RGPD3: variants seen among roughly 807,000 people sequenced by gnomAD.
The protein encoded by RGPD3 is ranBP2-like and GRIP domain-containing protein 3.
Under a neutral mutation model 154.5 loss-of-function variants are expected in RGPD3, and 62 were observed. The ratio of observed to expected loss-of-function variants is 0.40; its 90% CI spans 0.33 to 0.50. RGPD3 has a LOEUF of 0.50. Ranked by LOEUF, RGPD3 falls within the 20% of genes least tolerant of loss-of-function variation. The pLI is 0.59. For synonymous variants in RGPD3, 308 were observed against 607.0 expected (o/e 0.51, Z 7.24); for missense variants, 919 against 1,716.8 (o/e 0.54, Z 8.21).
At chr2:106,414,102 T>C (rs1278488371) in intron 21 of RGPD3, among the ~76,000 whole-genome samples, 4 of 151,854 alleles carry the variant, frequency 2.6e-5, no homozygotes, top group African/African-American at 9.7e-5. Flanking sequence ...TATAAGACAA[T>C]GTAAAACACT....
chr2:106,411,047 C>T (rs1676655687), intron 22 of RGPD3, among the ~76,000 whole-genome samples: 1 of 150,142 alleles, frequency 6.7e-6, no homozygotes, highest in South Asian at 2.2e-4. Context: ...GCCTCTAGAC[C>T]AGGGGTTTTC....
At chr2:106,466,530 C>T (rs1267593564) in intron 1 of RGPD3, among the ~76,000 whole-genome samples, 1 of 129,922 alleles carries the variant, frequency 7.7e-6, no homozygotes, top group African/African-American at 2.9e-5. Context: ...GACGCCTGAG[C>T]CATCGAGGCC....
At chr2:106,448,585 C>T (rs1678005477) in intron 6 of RGPD3, among the ~76,000 whole-genome samples, 1 of 150,682 alleles carries the variant, frequency 6.6e-6, no homozygotes, top group African/African-American at 2.4e-5. Flanking sequence ...TCTGAGGGTG[C>T]TCAAAAACCC....
At chr2:106,461,850 G>A (rs574971903) in intron 1 of RGPD3, among the ~76,000 whole-genome samples, 128 of 151,758 alleles carry the variant, frequency 8.4e-4, no homozygotes, top group African/African-American at 2.8e-3. Context: ...AAGAACTATA[G>A]CAATCTTAAC....
intron 1 of RGPD3, 28 bp downstream of exon 1, chr2:106,468,189 G>A (rs1231318130): frequency 2.5e-6 from 4 of 1,587,498 alleles, no homozygotes; most frequent in East Asian, 2.3e-5. Flanking sequence ...CCAGGTCGAG[G>A]CCGTCGGTCT....
At chr2:106,469,991 G>C (rs374604944), upstream of RGPD3, among the ~76,000 whole-genome samples, 1 of 152,130 alleles carries the variant, frequency 6.6e-6, no homozygotes, top group East Asian at 1.9e-4. Context: ...ATTGGTAAGA[G>C]TGTAAATCCC....
At chr2:106,413,713 G>A (rs1311196159) in intron 21 of RGPD3, among the ~76,000 whole-genome samples, 4 of 152,068 alleles carry the variant, frequency 2.6e-5, no homozygotes, top group Non-Finnish European at 5.9e-5. Context: ...CAGATGAAGA[G>A]GTGGAAATGA....
intron 22 of RGPD3, among the ~76,000 whole-genome samples, chr2:106,412,306 T>TGTTTTTTTG (rs1558833025): frequency 3.7e-5 from 3 of 80,172 alleles, no homozygotes; most frequent in Admixed American, 1.5e-4. Context: ...TTTTTTTTTT[T>TGTTTTTTTG]TTTTTTTTTT....
intron 1 of RGPD3, among the ~76,000 whole-genome samples, chr2:106,463,543 A>C (rs1678469055): frequency 6.6e-6 from 1 of 151,988 alleles, no homozygotes; most frequent in Non-Finnish European, 1.5e-5. Flanking sequence ...TGCTACACCA[A>C]AACAAAGAAA....
intron 22 of RGPD3, among the ~76,000 whole-genome samples, chr2:106,409,634 CT>C (rs1029551601): frequency 4.0e-5 from 6 of 151,084 alleles, no homozygotes; most frequent in Admixed American, 2.0e-4. Context: ...TAGATTTCTT[CT>C]TTTTTTTTAA....
intron 3 of RGPD3, 139 bp from the exon 4 acceptor site, chr2:106,457,262 T>C: frequency 7.0e-7 from 1 of 1,436,446 alleles, no homozygotes; most frequent in Non-Finnish European, 9.2e-7. Flanking sequence ...GGAGAAAACA[T>C]ATTACTTCAA....
intron 7 of RGPD3, among the ~76,000 whole-genome samples, chr2:106,442,497 GAA>G (rs200777302): frequency 0.11 from 11,157 of 99,066 alleles, 901 homozygotes; most frequent in Admixed American, 0.17. Context: ...AATAACCTAT[GAA>G]AAAAAAAAAA....
At position 106,405,254 on chromosome 2, in the gene RGPD3, A is replaced by T. The variant is rs200717653; in HGVS notation, c.5267-25T>A. 1.6e-4 allele frequency: 254 copies of T among 1,604,994 alleles called. 1 individual carries two copies. The highest frequency in any genetic ancestry group is 1.8e-4 in the Non-Finnish European group (212 of 1,177,736). ...CCTTTGGAAAGTAAAACAAAAAAAAAGAAAAAAGAGAGTATTAAAATTTCT... is the reference window on the plus strand; with the variant it reads ...CCTTTGGAAAGTAAAACAAAAAAAATGAAAAAAGAGAGTATTAAAATTTCT... On this transcript the variant is annotated intron_variant, in intron 22 of 22. Transcript: ENST00000409886.
chr2:106,420,862 A>G (rs1676962545), intron 20 of RGPD3, among the ~76,000 whole-genome samples: 1 of 152,236 alleles, frequency 6.6e-6, no homozygotes, highest in African/African-American at 2.4e-5. Flanking sequence ...TGAAGCCTGG[A>G]ACTTGTGGGC....
At chr2:106,417,854 G>T (rs1204370816) in intron 20 of RGPD3, among the ~76,000 whole-genome samples, 2 of 151,064 alleles carry the variant, frequency 1.3e-5, no homozygotes, top group African/African-American at 4.9e-5. Flanking sequence ...TCAAGGCCGG[G>T]CGTGGTGGCT....
At chr2:106,463,129 T>C (rs1031718973) in intron 1 of RGPD3, among the ~76,000 whole-genome samples, 2 of 151,730 alleles carry the variant, frequency 1.3e-5, no homozygotes, top group African/African-American at 4.8e-5. Context: ...AACAAGAATC[T>C]CATCAGACTC....
intron 18 of RGPD3, among the ~76,000 whole-genome samples, chr2:106,426,697 C>G (rs1677207378): frequency 6.6e-6 from 1 of 152,240 alleles, no homozygotes; most frequent in African/African-American, 2.4e-5. Context: ...AACAAAACGA[C>G]TAGAAGGCAC....
chr2:106,408,897 G>C (rs2104440662), intron 22 of RGPD3, among the ~76,000 whole-genome samples: 1 of 151,428 alleles, frequency 6.6e-6, no homozygotes, highest in African/African-American at 2.4e-5. Context: ...TGTTGCCCAG[G>C]CTGATTCTGA....
In RGPD3 at chr2:106,434,224, T is replaced by C. The variant is rs1394022902; in HGVS notation, c.2205+4A>G. The C allele has an allele frequency of 1.9e-6, 3 of 1,587,692 alleles. No homozygotes were observed. Among genetic ancestry groups the C allele is most frequent in the Non-Finnish European group, 2.6e-6 (3 of 1,165,478 alleles). On this transcript the variant is annotated splice_donor_region_variant and intron_variant, in intron 15 of 22. Transcript: ENST00000409886. ...GAACGTACATACAACAACCTGCTAC[T>C]TACTTTCTTGACCACTGAAAGATTT...
Sources: allele counts gnomAD v4.1 joint callset (sites outside exome capture counted in the v4.1 genomes callset), GRCh38; gene constraint gnomAD v4.1.1; transcripts MANE v1.5; gene names NCBI Gene and HGNC (gene_info 2026-07-23, HGNC 2026-07-21).